TJP1: variants seen among roughly 807,000 people sequenced by gnomAD.
TJP1 encodes the protein tight junction protein 1, also known as tight junction protein ZO-1.
TJP1 carries 43 observed loss-of-function variants against 194.2 expected under a neutral mutation model. That is an observed-to-expected ratio of 0.22 (90% confidence interval 0.17 to 0.29). The LOEUF is 0.29. Ranked by LOEUF, TJP1 falls within the 10% of genes least tolerant of loss-of-function variation. The pLI is 1.00. For missense variants in TJP1, 1,971 were observed against 2,185.7 expected (o/e 0.90, Z 1.96); for synonymous variants, 801 against 779.0 (o/e 1.03, Z -0.47).
At chr15:29,831,584 TAAAAA>T (rs974340252) in intron 2 of TJP1, among the ~76,000 whole-genome samples, 24 of 152,124 alleles carry the variant, frequency 1.6e-4, no homozygotes, top group Non-Finnish European at 3.2e-4. Flanking sequence ...AACAAGTTAA[TAAAAA>T]AGAAAAGGAA....
chr15:29,755,974 TTCCCTCTAACATACAA>T (rs1333246275), intron 8 of TJP1, among the ~76,000 whole-genome samples: 2 of 152,124 alleles, frequency 1.3e-5, no homozygotes, highest in Non-Finnish European at 2.9e-5. Context: ...ACACCTGTTG[TTCCCTCTAACATACAA>T]TGTTAGAGGG....
intron 2 of TJP1, among the ~76,000 whole-genome samples, chr15:29,791,382 T>C (rs1338180430): frequency 2.0e-5 from 3 of 151,120 alleles, no homozygotes; most frequent in African/African-American, 7.3e-5. Flanking sequence ...GGTTGCTCTA[T>C]TTTCAGTTTT....
chr15:29,837,345 G>A (rs757638784), intron 2 of TJP1, among the ~76,000 whole-genome samples: 1 of 152,250 alleles, frequency 6.6e-6, no homozygotes, highest in East Asian at 1.9e-4. Context: ...GATCACCTGA[G>A]GTCGGGACTT....
At position 29,705,760 on chromosome 15, in the gene TJP1, A is replaced by G; in HGVS notation, c.4851-15T>C. ...CAGCTGAAGGACTGAAAGTTCAGAA[A>G]TGGCTAGTGAGTGAATTCCTAATAA... is the stretch of plus-strand genomic sequence containing the variant. On this transcript the variant is annotated splice_polypyrimidine_tract_variant and intron_variant, in intron 25 of 27. Coordinates refer to ENST00000614355, the MANE Select transcript of TJP1 (RefSeq NM_001330239.4). The G allele has an allele frequency of 6.2e-7, 1 of 1,612,188 alleles. No homozygotes were observed.
At chr15:29,795,297 C>CT (rs1212046932) in intron 2 of TJP1, among the ~76,000 whole-genome samples, 2 of 151,702 alleles carry the variant, frequency 1.3e-5, no homozygotes, top group African/African-American at 4.8e-5. Context: ...GTGGTGCATG[C>CT]TTACAGTCCC....
intron 2 of TJP1, among the ~76,000 whole-genome samples, chr15:29,857,599 A>T (rs1161106437): frequency 6.6e-6 from 1 of 152,174 alleles, no homozygotes; most frequent in Non-Finnish European, 1.5e-5. Flanking sequence ...GACATAAATG[A>T]TGCAGAACTG....
At chr15:29,921,673 C>T (rs1269333627) in intron 2 of TJP1, among the ~76,000 whole-genome samples, 1 of 152,140 alleles carries the variant, frequency 6.6e-6, no homozygotes, top group African/African-American at 2.4e-5. Context: ...AGTTTACTCT[C>T]ATTTTGATGG....
intron 11 of TJP1, among the ~76,000 whole-genome samples, chr15:29,736,098 A>G (rs1566926277): frequency 6.6e-6 from 1 of 152,204 alleles, no homozygotes; most frequent in Non-Finnish European, 1.5e-5. Context: ...GTACTTCAAA[A>G]AAGATTAAGA....
chr15:29,845,721 G>A (rs560895124), intron 2 of TJP1, among the ~76,000 whole-genome samples: 5 of 152,238 alleles, frequency 3.3e-5, no homozygotes, highest in South Asian at 2.1e-4. Flanking sequence ...GGAGAATGGC[G>A]TGAAACCGGG....
At chr15:29,814,635 T>A (rs540490640) in intron 1 of TJP1, among the ~76,000 whole-genome samples, 10 of 152,180 alleles carry the variant, frequency 6.6e-5, no homozygotes, top group South Asian at 6.2e-4. Flanking sequence ...TACATTTTTT[T>A]AAAAAGGAAA....
At chr15:29,802,812 T>C (rs1466921560) in intron 1 of TJP1, among the ~76,000 whole-genome samples, 3 of 152,196 alleles carry the variant, frequency 2.0e-5, no homozygotes, top group Non-Finnish European at 2.9e-5. Flanking sequence ...ACCAGTGACA[T>C]TGTTTTACTG....
chr15:29,902,544 T>C (rs953181092), intron 2 of TJP1, among the ~76,000 whole-genome samples: 18 of 152,216 alleles, frequency 1.2e-4, no homozygotes, highest in African/African-American at 3.9e-4. Flanking sequence ...CTATTCTTCA[T>C]TGATGTTCCT....
intron 2 of TJP1, among the ~76,000 whole-genome samples, chr15:29,855,316 C>CA (rs2051805486): frequency 2.0e-5 from 3 of 151,930 alleles, no homozygotes; most frequent in African/African-American, 7.3e-5. Context: ...TTGACACATG[C>CA]AAAAAAAGTC....
intron 2 of TJP1, among the ~76,000 whole-genome samples, chr15:29,944,698 A>G (rs966210633): frequency 1.3e-5 from 2 of 152,190 alleles, no homozygotes; most frequent in African/African-American, 4.8e-5. Flanking sequence ...TAAATTTTAA[A>G]TCAATCGGAT....
intron 2 of TJP1, among the ~76,000 whole-genome samples, chr15:29,925,097 G>A (rs1303748534): frequency 1.3e-5 from 2 of 152,168 alleles, no homozygotes; most frequent in African/African-American, 4.8e-5. Context: ...AGCTGATTAT[G>A]CTATGCAAAC....
chr15:29,744,483 T>C (rs944060872), intron 8 of TJP1, among the ~76,000 whole-genome samples: 1 of 152,074 alleles, frequency 6.6e-6, no homozygotes. Context: ...TTTCCCCAGA[T>C]AAACAGAAAT....
chr15:29,849,730 G>A (rs1458552361), intron 2 of TJP1, among the ~76,000 whole-genome samples: 2 of 146,570 alleles, frequency 1.4e-5, no homozygotes, highest in African/African-American at 2.5e-5. Context: ...CTGGGCAACA[G>A]AGAGGACTCC....
chr15:29,889,248 G>A (rs760543868), intron 2 of TJP1, among the ~76,000 whole-genome samples: 1 of 152,176 alleles, frequency 6.6e-6, no homozygotes, highest in Non-Finnish European at 1.5e-5. Context: ...TATTAAGTTT[G>A]TAAATAAAAC....
At chr15:29,860,389 TA>T (rs2052030806) in intron 2 of TJP1, among the ~76,000 whole-genome samples, 1 of 152,136 alleles carries the variant, frequency 6.6e-6, no homozygotes, top group South Asian at 2.1e-4. Flanking sequence ...CAGTTATACT[TA>T]AAAACCCAGA....
Sources: allele counts gnomAD v4.1 joint callset (sites outside exome capture counted in the v4.1 genomes callset), GRCh38; gene constraint gnomAD v4.1.1; transcripts MANE v1.5; gene names NCBI Gene and HGNC (gene_info 2026-07-23, HGNC 2026-07-21).